UFD1: variants seen among roughly 807,000 people sequenced by gnomAD.
UFD1 encodes ubiquitin recognition factor in ER associated degradation 1, also known as ubiquitin recognition factor in ER-associated degradation protein 1.
Under a neutral mutation model 45.9 loss-of-function variants are expected in UFD1, and 13 were observed. That is an observed-to-expected ratio of 0.28 (90% CI 0.18 to 0.45). UFD1 has a LOEUF of 0.45. Ranked by LOEUF, UFD1 falls within the 20% of genes least tolerant of loss-of-function variation. UFD1 has a pLI of 1.00. For synonymous variants in UFD1, 128 were observed against 139.2 expected (o/e 0.92, Z 0.56); for missense variants, 218 against 389.2 (o/e 0.56, Z 3.70).
chr22:19,455,407 G>C (rs1057026139), intron 10 of UFD1, among the ~76,000 whole-genome samples: 1 of 152,168 alleles, frequency 6.6e-6, no homozygotes, highest in South Asian at 2.1e-4. Context: ...AATCAGACTC[G>C]CATCTTAGGA....
At position 19,479,172 on chromosome 22, in the gene UFD1, T is replaced by TGCCGCC. The variant is rs1254469719; in HGVS notation, c.-93_-88dup. The TGCCGCC allele has an allele frequency of 4.5e-6, 7 of 1,572,194 alleles. No homozygotes were observed. Among genetic ancestry groups the TGCCGCC allele is most frequent in the Admixed American group, 3.8e-5 (2 of 52,834 alleles). On this transcript the variant is annotated 5_prime_UTR_variant, in exon 1 of 12. Transcript: ENST00000263202. ...CCGCTCTCCCAGCCGCCGCTGCCGC[T>TGCCGCC]GCCGCCGCGCCAAGCCGGTACGCCC...
chr22:19,479,179 G>C lies in UFD1; in HGVS notation c.-94C>G, dbSNP rs2089928334. The C allele has an allele frequency of 6.3e-7, 1 of 1,575,454 alleles. No homozygotes were observed. Among genetic ancestry groups the C allele is most frequent in the South Asian group, 1.2e-5 (1 of 86,704 alleles). On this transcript the variant is annotated 5_prime_UTR_variant, in exon 1 of 12. Transcript: ENST00000263202. ...CCCAGCCGCCGCTGCCGCTGCCGCC[G>C]CGCCAAGCCGGTACGCCCCAGAGGC...
chr22:19,453,678 C>G, intron 11 of UFD1: 1 of 985,554 alleles, frequency 1.0e-6, no homozygotes, highest in Non-Finnish European at 1.2e-6. Context: ...ATGCCCAATG[C>G]TGTTTCAACT....
intron 9 of UFD1, 127 bp from the exon 10 acceptor site, chr22:19,455,895 A>G: frequency 4.0e-6 from 3 of 756,538 alleles, no homozygotes; most frequent in Non-Finnish European, 6.5e-6. Context: ...TGAAGCCCTG[A>G]CTCCTCAACT....
chr22:19,454,721 CCAAGGAAATA>C lies in UFD1; in HGVS notation c.849+18_849+27del, dbSNP rs368965112. ...AGCAAATAAATCTCCTCATTACCAA[CCAAGGAAATA>C]CAAGGAAATACACTCACCTCTTCAA... On this transcript the variant is annotated intron_variant, in intron 11 of 11. Coordinates refer to ENST00000263202, the MANE Select transcript of UFD1 (RefSeq NM_005659.7). 162 of 1,613,818 alleles carry C rather than the reference CCAAGGAAATA, an allele frequency of 1.0e-4. No individual in the cohort carries two copies. In the African/African-American group the frequency reaches 1.1e-3, roughly 11 times the overall value.
At chr22:19,464,573 C>T (rs1000555462) in intron 6 of UFD1, among the ~76,000 whole-genome samples, 5 of 152,222 alleles carry the variant, frequency 3.3e-5, no homozygotes, top group South Asian at 2.1e-4. Context: ...GATCCAGACA[C>T]CTAAACAGCA....
Position 19,450,597 on chromosome 22 carries a change from A to G in UFD1, c.*73T>C. 1 of 1,575,728 alleles carries G rather than the reference A, an allele frequency of 6.3e-7. No individual in the cohort carries two copies. The highest frequency in any genetic ancestry group is 8.7e-7 in the Non-Finnish European group (1 of 1,147,396). ...TTCTCTGATGAGGCTCGTCCCTGTC[A>G]GTGCCAGTAACTAAAAGCCAAGATG... is the stretch of plus-strand genomic sequence containing the variant. On this transcript the variant is annotated 3_prime_UTR_variant, in exon 12 of 12. Coordinates refer to ENST00000263202, the MANE Select transcript of UFD1 (RefSeq NM_005659.7).
At chr22:19,478,091 C>T (rs2089902720) in intron 1 of UFD1, among the ~76,000 whole-genome samples, 2 of 152,140 alleles carry the variant, frequency 1.3e-5, no homozygotes, top group Admixed American at 6.5e-5. Context: ...AAGGTAAATC[C>T]GCACAAAGGG....
At chr22:19,465,033 G>A (rs1026503751) in intron 6 of UFD1, 169 bp downstream of exon 6, 20 of 629,776 alleles carry the variant, frequency 3.2e-5, no homozygotes, top group Non-Finnish European at 5.0e-5. Context: ...GTTACCAAAT[G>A]AATTAGGGCT....
rs900375394 is a variant in UFD1, at chr22:19,478,677, C to T, written c.3+406G>A. 1.9e-4 allele frequency: 25 copies of T among 132,868 alleles called. No homozygotes were observed. In the African/African-American group the frequency reaches 7.4e-3, roughly 39 times the overall value. The allele number at this position is 132,868 out of a possible 1,614,324, so 8.2% of individuals were successfully genotyped here. ...CGGAGCTGGGGCAAGAGCTGGGTGT[C>T]CCCCAAGAGCGGGGGATGCCCACTA... is the stretch of plus-strand genomic sequence containing the variant. On this transcript the variant is annotated intron_variant, in intron 1 of 11. Transcript: ENST00000263202.
In UFD1 at chr22:19,450,693, G is replaced by A. The variant is rs1301429545; in HGVS notation, c.901C>T (p.Arg301Cys). 2.5e-6 allele frequency: 4 copies of A among 1,613,952 alleles called. No individual in the cohort carries two copies. Among genetic ancestry groups the A allele is most frequent in the South Asian group, 2.2e-5 (2 of 91,062 alleles). ...ACTTAGGGCTTTCTTCCCTTTTTAC[G>A]CAATGACTGTCCTTCTCCAGAGAAA... ...VAFSGEGQSL[R>C]KKGRKP The change falls in exon 12 of 12, where the codon CGT (arginine) becomes TGT (cysteine). Residue 301 changes from arginine (R) to cysteine (C), a missense_variant. Transcript: ENST00000263202.
rs1346742009 is a variant in UFD1 at position 19,453,727 on chromosome 22, G to C, written c.849+1022C>G. ...CAGAAGTGGTTGTGAGTAGGACCAGGTGTGCAAACTTCACAGTGGTCTCTG... is the reference window on the plus strand; with the variant it reads ...CAGAAGTGGTTGTGAGTAGGACCAGCTGTGCAAACTTCACAGTGGTCTCTG... On this transcript the variant is annotated intron_variant, in intron 11 of 11. Coordinates refer to ENST00000263202, the MANE Select transcript of UFD1 (RefSeq NM_005659.7). 5 of 985,374 alleles carry C rather than the reference G, an allele frequency of 5.1e-6. No individual in the cohort carries two copies. In the African/African-American group the frequency reaches 8.7e-5, roughly 17 times the overall value. The allele number at this position is 985,374 out of a possible 1,614,324, so 61.0% of individuals were successfully genotyped here.
rs2073730 is a variant in UFD1 at position 19,450,423 on chromosome 22, G to C, written c.*247C>G. 202,256 of 472,296 alleles carry C rather than the reference G, an allele frequency of 0.43. 46,702 individuals carry two copies. Among genetic ancestry groups the C allele is most frequent in the Non-Finnish European group, 0.49 (128,651 of 261,468 alleles). The allele number at this position is 472,296 out of a possible 1,614,324, so 29.3% of individuals were successfully genotyped here. On this transcript the variant is annotated 3_prime_UTR_variant, in exon 12 of 12. Transcript: ENST00000263202. ...TCCCCTCAAGCTGAAAGCGTGAAGA[G>C]GTGAGGAGGCAGCTATCTACAGGCC...
rs1042483938 is a variant in UFD1 at position 19,450,996 on chromosome 22, T to A, written c.850-252A>T. On this transcript the variant is annotated intron_variant, in intron 11 of 11. Coordinates refer to ENST00000263202, the MANE Select transcript of UFD1 (RefSeq NM_005659.7). ...ACCAAAAATAGCTCAGTGTGGTATG[T>A]GCCTATGATCCCAGCTACTTGGGAG... 3.5e-6 allele frequency: 4 copies of A among 1,133,818 alleles called. No individual in the cohort carries two copies. The Admixed American group carries it at 1.1e-4, about 30-fold the overall frequency. The allele number at this position is 1,133,818 out of a possible 1,614,324, so 70.2% of individuals were successfully genotyped here.
intron 3 of UFD1, 23 bp downstream of exon 3, chr22:19,475,045 T>C: frequency 1.2e-6 from 2 of 1,606,790 alleles, no homozygotes; most frequent in Non-Finnish European, 1.7e-6. Flanking sequence ...TCTAAGTCCT[T>C]AAGTCACTCA....
At chr22:19,453,323 T>C in intron 11 of UFD1, 1 of 985,558 alleles carries the variant, frequency 1.0e-6, no homozygotes, top group Non-Finnish European at 1.2e-6. Flanking sequence ...CTGTCTTTCT[T>C]ACCTCATGAC....
At chr22:19,462,558 A>C (rs2089775332) in intron 6 of UFD1, among the ~76,000 whole-genome samples, 1 of 152,094 alleles carries the variant, frequency 6.6e-6, no homozygotes, top group Non-Finnish European at 1.5e-5. Context: ...CCAGCTACTC[A>C]GGTGGCTGAG....
intron 4 of UFD1, among the ~76,000 whole-genome samples, chr22:19,470,403 A>G (rs1372724902): frequency 6.6e-6 from 1 of 152,080 alleles, no homozygotes; most frequent in Non-Finnish European, 1.5e-5. Flanking sequence ...GTCACCTGCT[A>G]CAGCAGGAAA....
At chr22:19,464,251 A>AG (rs1369896320) in intron 6 of UFD1, among the ~76,000 whole-genome samples, 2 of 152,232 alleles carry the variant, frequency 1.3e-5, no homozygotes, top group African/African-American at 4.8e-5. Flanking sequence ...CAGTCCCCGA[A>AG]GGGACCAGAG....
Sources: gnomAD v4.1 joint callset for allele counts (sites outside exome capture counted in the v4.1 genomes callset) on GRCh38, gnomAD v4.1.1 for gene constraint, MANE v1.5 for transcripts, NCBI Gene and HGNC (gene_info 2026-07-23, HGNC 2026-07-21) for gene names.